MACROD2: variants seen among roughly 807,000 people sequenced by gnomAD.
MACROD2 encodes the protein ADP-ribose glycohydrolase MACROD2.
Under a neutral mutation model 70.4 loss-of-function variants are expected in MACROD2, and 36 were observed. The ratio of observed to expected loss-of-function variants is 0.51; its 90% CI spans 0.39 to 0.68. The LOEUF is 0.68. Among genes scored for constraint, MACROD2 ranks in the 30% least tolerant of loss-of-function variants. The probability of loss-of-function intolerance (pLI) is 0.00; values close to 1 mark genes in which losing one functional copy is unlikely to be tolerated. For synonymous variants in MACROD2, 172 were observed against 178.8 expected, an observed-to-expected ratio of 0.96 and a Z score of 0.30; for missense variants, 496 against 538.4, an observed-to-expected ratio of 0.92 and a Z score of 0.78.
At chr20:15,098,158 A>G (rs1018365308) in intron 5 of MACROD2, among the ~76,000 whole-genome samples, 8 of 152,118 alleles carry the variant, frequency 5.3e-5, no homozygotes, top group African/African-American at 9.7e-5. Flanking sequence ...ACAGAGCCCC[A>G]TGCTTAGAAG....
intron 3 of MACROD2, among the ~76,000 whole-genome samples, chr20:14,389,977 A>G (rs577404861): frequency 1.3e-5 from 2 of 152,336 alleles, no homozygotes; most frequent in African/African-American, 2.4e-5. Context: ...TGCAGACAAC[A>G]TGATCTTCTA....
intron 3 of MACROD2, among the ~76,000 whole-genome samples, chr20:14,148,973 C>G (rs2054977912): frequency 6.6e-6 from 1 of 152,070 alleles, no homozygotes. Flanking sequence ...TTCTGCTGTT[C>G]CAGGTGCTTC....
chr20:15,112,950 CTGTGTG>C lies in MACROD2; in HGVS notation c.419-116964_419-116959del, dbSNP rs11467446. On this transcript the variant is annotated intron_variant, in intron 5 of 17. Transcript: ENST00000684519. Reference sequence around the variant, plus strand: ...TTTTTCCAGGCTGGATAATATTTCACTGTGTGTGTGTGTGTGTGTGTGTGTGTGTGT... The same window carrying C: ...TTTTTCCAGGCTGGATAATATTTCACTGTGTGTGTGTGTGTGTGTGTGTGT... 9.0e-4 allele frequency among the ~76,000 whole-genome samples: 132 copies of C among 146,086 alleles called. No individual in the cohort carries two copies. In the East Asian group the frequency reaches 0.012, roughly 13 times the overall value.
At chr20:15,573,806 G>C (rs937522921) in intron 8 of MACROD2, among the ~76,000 whole-genome samples, 4 of 152,044 alleles carry the variant, frequency 2.6e-5, no homozygotes, top group African/African-American at 9.7e-5. Context: ...CTGGCACTTG[G>C]AATGGTGTAG....
chr20:15,456,833 C>T (rs2046733275), intron 7 of MACROD2, among the ~76,000 whole-genome samples: 1 of 151,970 alleles, frequency 6.6e-6, no homozygotes, highest in African/African-American at 2.4e-5. Flanking sequence ...GTATTGTCTC[C>T]CGGCATATTC....
intron 5 of MACROD2, among the ~76,000 whole-genome samples, chr20:14,778,592 G>T (rs1366218079): frequency 6.6e-6 from 1 of 152,128 alleles, no homozygotes; most frequent in African/African-American, 2.4e-5. Flanking sequence ...ATGGTAGTTT[G>T]GGGGCGTAAT....
At chr20:15,972,841 A>T (rs1020958877) in intron 13 of MACROD2, among the ~76,000 whole-genome samples, 1 of 152,116 alleles carries the variant, frequency 6.6e-6, no homozygotes. Flanking sequence ...AAAGATAAAT[A>T]AAAGGTCCCA....
chr20:14,294,059 A>G (rs2082407982), intron 3 of MACROD2, among the ~76,000 whole-genome samples: 1 of 151,768 alleles, frequency 6.6e-6, no homozygotes, highest in Non-Finnish European at 1.5e-5. Flanking sequence ...TTAATGAGGA[A>G]AGTTAGATAT....
chr20:15,833,279 T>C (rs1439136072), intron 8 of MACROD2, among the ~76,000 whole-genome samples: 1 of 152,204 alleles, frequency 6.6e-6, no homozygotes, highest in African/African-American at 2.4e-5. Context: ...TAATTGGGAA[T>C]TGTTCAGCCT....
intron 5 of MACROD2, among the ~76,000 whole-genome samples, chr20:14,987,687 C>T (rs1186571879): frequency 6.6e-6 from 1 of 152,080 alleles, no homozygotes; most frequent in Non-Finnish European, 1.5e-5. Flanking sequence ...TCTGTAGACA[C>T]ATTTCATAGT....
At chr20:15,417,621 G>A (rs1039431423) in intron 6 of MACROD2, among the ~76,000 whole-genome samples, 47 of 124,438 alleles carry the variant, frequency 3.8e-4, no homozygotes, top group African/African-American at 6.5e-4. Context: ...AAAAAAGAAA[G>A]AAAGAAAGAA....
chr20:15,650,278 C>A (rs1307135737), intron 8 of MACROD2, among the ~76,000 whole-genome samples: 2 of 152,170 alleles, frequency 1.3e-5, no homozygotes, highest in Non-Finnish European at 2.9e-5. Flanking sequence ...AACCTCCTTT[C>A]CTGTTGATAA....
intron 5 of MACROD2, among the ~76,000 whole-genome samples, chr20:14,872,815 C>T (rs865810675): frequency 2.6e-5 from 4 of 152,142 alleles, no homozygotes; most frequent in Admixed American, 6.6e-5. Flanking sequence ...TTAACTGACT[C>T]ACAGTTCAGT....
chr20:15,395,224 C>T (rs1377267966), intron 6 of MACROD2, among the ~76,000 whole-genome samples: 2 of 152,186 alleles, frequency 1.3e-5, no homozygotes, highest in Non-Finnish European at 2.9e-5. Context: ...GTGCTTTGAA[C>T]ATAGGTTTCA....
intron 8 of MACROD2, among the ~76,000 whole-genome samples, chr20:15,653,816 A>T (rs1307563236): frequency 6.6e-5 from 10 of 152,180 alleles, no homozygotes; most frequent in Admixed American, 6.6e-4. Context: ...TCCCGTATTC[A>T]TACTGGAAAA....
intron 5 of MACROD2, among the ~76,000 whole-genome samples, chr20:15,201,755 T>A (rs2076657987): frequency 6.6e-6 from 1 of 152,244 alleles, no homozygotes; most frequent in Non-Finnish European, 1.5e-5. Flanking sequence ...TGTCCATCTC[T>A]GATGTCTGCA....
intron 4 of MACROD2, among the ~76,000 whole-genome samples, chr20:14,543,822 C>G (rs1244700283): frequency 6.6e-6 from 1 of 152,158 alleles, no homozygotes; most frequent in Non-Finnish European, 1.5e-5. Flanking sequence ...TAGGGAAGAT[C>G]ATGGATTTCA....
chr20:15,748,154 G>C (rs1317679400), intron 8 of MACROD2, among the ~76,000 whole-genome samples: 1 of 151,894 alleles, frequency 6.6e-6, no homozygotes, highest in African/African-American at 2.4e-5. Context: ...CTGCTTCTTG[G>C]CCATTGCCCT....
chr20:15,884,027 A>G (rs1183340874), intron 9 of MACROD2, among the ~76,000 whole-genome samples: 1 of 152,106 alleles, frequency 6.6e-6, no homozygotes, highest in Non-Finnish European at 1.5e-5. Flanking sequence ...AACCTTAGGA[A>G]AGCTCTATGT....
Sources: gnomAD v4.1 joint callset for allele counts (sites outside exome capture counted in the v4.1 genomes callset) on GRCh38, gnomAD v4.1.1 for gene constraint, MANE v1.5 for transcripts, NCBI Gene and HGNC (gene_info 2026-07-23, HGNC 2026-07-21) for gene names.